Variants in ULK4 observed in about 807,000 individuals in gnomAD.
The protein encoded by ULK4 is unc-51 like kinase 4, also known as inactive serine/threonine-protein kinase ULK4.
A neutral mutation model predicts 160.6 loss-of-function variants in ULK4; 133 were observed. That is an observed-to-expected ratio of 0.83 (90% CI 0.72 to 0.96). ULK4 has a LOEUF of 0.96. Ranked by LOEUF, ULK4 falls within the 40% of genes least tolerant of loss-of-function variation. The pLI is 0.00. For missense variants in ULK4, 1,580 were observed against 1,499.5 expected (o/e 1.05, Z -0.89); for synonymous variants, 534 against 539.8 (o/e 0.99, Z 0.15).
intron 34 of ULK4, among the ~76,000 whole-genome samples, chr3:41,443,546 T>C (rs190441344): frequency 6.6e-6 from 1 of 152,306 alleles, no homozygotes; most frequent in Admixed American, 6.5e-5. Flanking sequence ...GAAGAGCTAA[T>C]GGCAAAGTTT....
Position 41,739,803 on chromosome 3 carries a change from A to G in ULK4, c.2321+14558T>C, listed in dbSNP as rs558026962. Among the ~76,000 whole-genome samples the G allele has an allele frequency of 1.7e-4, 26 of 152,030 alleles. 1 individual carries two copies. Among genetic ancestry groups the G allele is most frequent in the African/African-American group, 5.8e-4 (24 of 41,316 alleles). On this transcript the variant is annotated intron_variant, in intron 22 of 36. Coordinates refer to ENST00000301831, the MANE Select transcript of ULK4 (RefSeq NM_017886.4). ...TGTACCAGGGAGCAAAGTGGCAAAG[A>G]TGAAGGCTCTGCAAGGGCTCAGCAA...
intron 34 of ULK4, among the ~76,000 whole-genome samples, chr3:41,438,286 T>G (rs2083081712): frequency 6.6e-6 from 1 of 152,140 alleles, no homozygotes; most frequent in African/African-American, 2.4e-5. Context: ...TATAACTTTT[T>G]TTGTAACCAG....
chr3:41,422,439 T>A (rs2082683324), intron 34 of ULK4, among the ~76,000 whole-genome samples: 1 of 152,180 alleles, frequency 6.6e-6, no homozygotes, highest in African/African-American at 2.4e-5. Context: ...AATCATTAGA[T>A]GATCACATTT....
chr3:41,260,274 C>T (rs549620703), intron 35 of ULK4, among the ~76,000 whole-genome samples: 1 of 152,252 alleles, frequency 6.6e-6, no homozygotes, highest in African/African-American at 2.4e-5. Context: ...CTGGCAGGCC[C>T]GCCTTCATTT....
Position 41,379,938 on chromosome 3 carries a change from G to A in ULK4, c.3678+18141C>T, listed in dbSNP as rs78166791. Among the ~76,000 whole-genome samples, 62 of 152,258 alleles carry A rather than the reference G, an allele frequency of 4.1e-4. 1 individual carries two copies. In the East Asian group the frequency reaches 9.1e-3, roughly 22 times the overall value. ...TCCCTAGTTCCCAGGAAGTCTGATT[G>A]ATTAGGGAAGCCCAAGTCTTTAGGG... On this transcript the variant is annotated intron_variant, in intron 35 of 36. Transcript: ENST00000301831.
intron 24 of ULK4, 37 bp downstream of exon 24, chr3:41,715,410 C>G: frequency 6.2e-7 from 1 of 1,613,466 alleles, no homozygotes; most frequent in Non-Finnish European, 8.5e-7. Context: ...AGAGAAGAGG[C>G]AAATTTATAT....
At position 41,919,617 on chromosome 3, in the gene ULK4, C is replaced by T. The variant is rs145898068; in HGVS notation, c.643+100G>A. The T allele has an allele frequency of 4.1e-6, 4 of 985,876 alleles. No individual in the cohort carries two copies. In the East Asian group the frequency reaches 7.2e-5, roughly 18 times the overall value. 61.1% of individuals were successfully genotyped at this position (985,876 alleles called of 1,614,324 possible). On this transcript the variant is annotated intron_variant, in intron 6 of 36. Coordinates refer to ENST00000301831, the MANE Select transcript of ULK4 (RefSeq NM_017886.4). ...ACTCTGTCTCAAAATAAAAAAAAAT[C>T]TAGTTTTTTCACATCTTATAGGTAA...
At chr3:41,913,008 C>T (rs2148805012) in intron 8 of ULK4, 109 bp from the exon 9 acceptor site, 1 of 829,954 alleles carries the variant, frequency 1.2e-6, no homozygotes, top group South Asian at 1.7e-5. Context: ...ACACATGTAC[C>T]TTTGAAATCA....
chr3:41,290,662 A>C (rs950763087), intron 35 of ULK4, among the ~76,000 whole-genome samples: 1 of 152,184 alleles, frequency 6.6e-6, no homozygotes, highest in Non-Finnish European at 1.5e-5. Flanking sequence ...CTAGGAGGCA[A>C]CATTATAAAG....
intron 32 of ULK4, among the ~76,000 whole-genome samples, chr3:41,472,598 A>G (rs6790439): frequency 0.016 from 2,416 of 152,020 alleles, 57 homozygotes; most frequent in African/African-American, 0.051. Context: ...GAAAATCTGA[A>G]CAGATCAACA....
At chr3:41,712,283 C>T (rs1011877207) in intron 25 of ULK4, among the ~76,000 whole-genome samples, 6 of 152,104 alleles carry the variant, frequency 3.9e-5, no homozygotes, top group Non-Finnish European at 7.4e-5. Context: ...TTCCAATCCC[C>T]GCTTCTCCAG....
intron 25 of ULK4, among the ~76,000 whole-genome samples, chr3:41,708,483 A>C (rs1320274651): frequency 6.6e-6 from 1 of 152,210 alleles, no homozygotes; most frequent in Non-Finnish European, 1.5e-5. Context: ...AGTTGAACTC[A>C]GAAGTAGAGA....
intron 12 of ULK4, among the ~76,000 whole-genome samples, chr3:41,905,643 C>A (rs1698526716): frequency 6.6e-6 from 1 of 151,488 alleles, no homozygotes; most frequent in African/African-American, 2.4e-5. Flanking sequence ...GATAAATAAC[C>A]CAATTAAAAA....
intron 29 of ULK4, among the ~76,000 whole-genome samples, chr3:41,678,727 T>A (rs1377067144): frequency 6.6e-6 from 1 of 152,216 alleles, no homozygotes; most frequent in Non-Finnish European, 1.5e-5. Flanking sequence ...ACCATACCTG[T>A]GCATGAAAAG....
chr3:41,703,310 T>A (rs2036748286), intron 27 of ULK4, among the ~76,000 whole-genome samples: 1 of 151,998 alleles, frequency 6.6e-6, no homozygotes, highest in African/African-American at 2.4e-5. Flanking sequence ...ACTTGATGAA[T>A]TTCAACATAT....
intron 32 of ULK4, among the ~76,000 whole-genome samples, chr3:41,481,081 A>T (rs193216899): frequency 1.8e-3 from 272 of 152,290 alleles, no homozygotes; most frequent in African/African-American, 6.0e-3. Context: ...AAATAGTTTT[A>T]TGTTATCAGT....
At chr3:41,606,157 G>A (rs1360078650) in intron 31 of ULK4, among the ~76,000 whole-genome samples, 1 of 151,796 alleles carries the variant, frequency 6.6e-6, no homozygotes, top group African/African-American at 2.4e-5. Context: ...GAAGTCTCAA[G>A]CCAATCAACT....
intron 11 of ULK4, among the ~76,000 whole-genome samples, chr3:41,909,257 T>C (rs954754870): frequency 3.3e-5 from 5 of 151,746 alleles, no homozygotes; most frequent in Non-Finnish European, 7.4e-5. Flanking sequence ...CAAGACTCCA[T>C]CTCAAGAAAA....
intron 19 of ULK4, among the ~76,000 whole-genome samples, chr3:41,818,857 A>T (rs996700576): frequency 6.6e-6 from 1 of 152,242 alleles, no homozygotes; most frequent in Non-Finnish European, 1.5e-5. Flanking sequence ...ACATAGTTAC[A>T]CGTGGGAGCT....
Sources: gnomAD v4.1 joint callset for allele counts (sites outside exome capture counted in the v4.1 genomes callset) on GRCh38, gnomAD v4.1.1 for gene constraint, MANE v1.5 for transcripts, NCBI Gene and HGNC (gene_info 2026-07-23, HGNC 2026-07-21) for gene names.